ZFP91: variants seen among roughly 807,000 people sequenced by gnomAD.
ZFP91 encodes the protein ZFP91 zinc finger protein, atypical E3 ubiquitin ligase.
A neutral mutation model predicts 63.5 loss-of-function variants in ZFP91; 7 were observed. The observed-to-expected ratio is 0.11, with a 90% CI of 0.06 to 0.21. ZFP91 has a LOEUF of 0.21. Ranked by LOEUF, ZFP91 falls within the 10% of genes least tolerant of loss-of-function variation. The pLI is 1.00. For missense variants in ZFP91, 628 were observed against 736.6 expected, an observed-to-expected ratio of 0.85 and a Z score of 1.71; for synonymous variants, 330 against 272.1, an observed-to-expected ratio of 1.21 and a Z score of -2.10.
At chr11:58,610,561 C>G (rs1855643312) in intron 4 of ZFP91, among the ~76,000 whole-genome samples, 1 of 152,172 alleles carries the variant, frequency 6.6e-6, no homozygotes, top group South Asian at 2.1e-4. Context: ...TGTGTTTGGA[C>G]TTATTCCATG....
At chr11:58,582,425 C>T (rs960961387) in intron 1 of ZFP91, among the ~76,000 whole-genome samples, 2 of 152,142 alleles carry the variant, frequency 1.3e-5, no homozygotes, top group African/African-American at 4.8e-5. Flanking sequence ...CTTACTTGTT[C>T]GCGCTAGTCC....
intron 1 of ZFP91, among the ~76,000 whole-genome samples, chr11:58,579,962 CT>C (rs1313043893): frequency 1.3e-5 from 2 of 152,190 alleles, no homozygotes; most frequent in Non-Finnish European, 2.9e-5. Context: ...TATCCCTTTC[CT>C]TTAGGCGGCT....
intron 8 of ZFP91, 25 bp downstream of exon 8, chr11:58,612,865 C>T: frequency 6.3e-7 from 1 of 1,592,220 alleles, no homozygotes; most frequent in Non-Finnish European, 8.6e-7. Context: ...TATATAAGAG[C>T]CTTTCAGGTT....
At chr11:58,605,590 T>C (rs1855557751) in intron 2 of ZFP91, among the ~76,000 whole-genome samples, 1 of 152,194 alleles carries the variant, frequency 6.6e-6, no homozygotes, top group Non-Finnish European at 1.5e-5. Flanking sequence ...ATCACTTTGT[T>C]ATCACACTGC....
At position 58,620,092 on chromosome 11, in the gene ZFP91, TCTA is replaced by T. The variant is rs1855822701; in HGVS notation, c.*2390_*2392del. 1 of 152,228 alleles carries T rather than the reference TCTA, an allele frequency of 6.6e-6. No homozygotes were observed. The highest frequency in any genetic ancestry group is 1.5e-5 in the Non-Finnish European group (1 of 68,042). The allele number at this position is 152,228 out of a possible 1,614,324, so 9.4% of individuals were successfully genotyped here. A position where few individuals can be genotyped will look rare whatever the true frequency, so the allele number is the denominator to read the frequency against. ...CCCAACAAAAAAACAACTAGTTAGT[TCTA>T]CTAATTAGAAACTTGCTGTACTTTT... On this transcript the variant is annotated 3_prime_UTR_variant, in exon 11 of 11. Transcript: ENST00000316059.
intron 1 of ZFP91, among the ~76,000 whole-genome samples, chr11:58,583,547 A>G (rs114115614): frequency 4.3e-4 from 66 of 152,214 alleles, no homozygotes; most frequent in African/African-American, 1.5e-3. Context: ...CTTCAGTTGT[A>G]CAAGACTGAA....
chr11:58,595,733 G>A lies in ZFP91; in HGVS notation c.370+10849G>A, dbSNP rs894687151. Among the ~76,000 whole-genome samples, 10 of 151,664 alleles carry A rather than the reference G, an allele frequency of 6.6e-5. No individual in the cohort carries two copies. In the South Asian group the frequency reaches 8.3e-4, roughly 13 times the overall value. ...GCTGGGACTGGTGTGCGCCACCACC[G>A]GCCTGGCTAATTTTTGTATTTTTAG... On this transcript the variant is annotated intron_variant, in intron 2 of 10. Transcript: ENST00000316059.
rs1215841405 is a variant in ZFP91, at chr11:58,621,407, T to C, written c.*3701T>C. ...AATACTTCTTCTCAAAATTGAATGT[T>C]TATATCAAGTACTGATTTTTATTTT... On this transcript the variant is annotated 3_prime_UTR_variant, in exon 11 of 11. Coordinates refer to ENST00000316059, the MANE Select transcript of ZFP91 (RefSeq NM_053023.5). Among the ~76,000 whole-genome samples, 1 of 152,212 alleles carries C rather than the reference T, an allele frequency of 6.6e-6. No individual in the cohort carries two copies. The highest frequency in any genetic ancestry group is 1.5e-5 in the Non-Finnish European group (1 of 68,040).
chr11:58,579,079 C>CGA lies in ZFP91; in HGVS notation c.-202_-201insAG. 1 of 385,786 alleles carries CGA rather than the reference C, an allele frequency of 2.6e-6. No homozygotes were observed. The highest frequency in any genetic ancestry group is 6.6e-4 in the Middle Eastern group (1 of 1,512). The allele number at this position is 385,786 out of a possible 1,614,324, so 23.9% of individuals were successfully genotyped here. A position where few individuals can be genotyped will look rare whatever the true frequency, so the allele number is the denominator to read the frequency against. ...TGAGCGTCTGTGGCGCGCGCGCGCG[C>CGA]GCCGCCAGCGGTAGCGGACCTTGAG... is the stretch of plus-strand genomic sequence containing the variant. On this transcript the variant is annotated 5_prime_UTR_variant, in exon 1 of 11. Transcript: ENST00000316059.
intron 5 of ZFP91, 198 bp downstream of exon 5, chr11:58,611,252 A>C: frequency 2.0e-6 from 1 of 496,474 alleles, no homozygotes; most frequent in South Asian, 4.7e-5. Context: ...GTAGAACTTT[A>C]TTTTGATTAT....
intron 2 of ZFP91, among the ~76,000 whole-genome samples, chr11:58,600,759 T>C (rs1334478144): frequency 6.6e-6 from 1 of 152,202 alleles, no homozygotes; most frequent in African/African-American, 2.4e-5. Flanking sequence ...GCTTTGTCTT[T>C]TACCACTGCG....
intron 9 of ZFP91, among the ~76,000 whole-genome samples, chr11:58,615,096 T>C (rs1023873916): frequency 6.6e-6 from 1 of 152,220 alleles, no homozygotes; most frequent in Non-Finnish European, 1.5e-5. Flanking sequence ...GTAGGAAAGT[T>C]ACTTAACTTC....
chr11:58,615,252 A>G (rs1855730960), intron 9 of ZFP91, among the ~76,000 whole-genome samples: 1 of 152,048 alleles, frequency 6.6e-6, no homozygotes, highest in Non-Finnish European at 1.5e-5. Context: ...TCCAAAGTCT[A>G]CAGTTTTCTT....
intron 7 of ZFP91, 85 bp from the exon 8 acceptor site, chr11:58,612,677 C>A: frequency 1.0e-6 from 1 of 996,192 alleles, no homozygotes; most frequent in South Asian, 1.5e-5. Context: ...TAGCTATTCC[C>A]AATAGCACAG....
At chr11:58,594,121 CTCTG>C (rs1433279820) in intron 2 of ZFP91, among the ~76,000 whole-genome samples, 5 of 152,172 alleles carry the variant, frequency 3.3e-5, no homozygotes, top group Non-Finnish European at 5.9e-5. Context: ...TCTGTTTAAA[CTCTG>C]TCTGTGGCTA....
rs1855633519 is a variant in ZFP91 at position 58,610,052 on chromosome 11, T to C, written c.580+13T>C. The C allele has an allele frequency of 1.9e-6, 3 of 1,613,230 alleles. No individual in the cohort carries two copies. The Admixed American group carries it at 5.0e-5, about 27-fold the overall frequency. On this transcript the variant is annotated intron_variant, in intron 3 of 10. Transcript: ENST00000316059. ...CAACTTGATTATGGTACAGTGCAACTAGAATATGGCTGTTTACTAACTAGT... is the reference window on the plus strand; with the variant it reads ...CAACTTGATTATGGTACAGTGCAACCAGAATATGGCTGTTTACTAACTAGT...
At chr11:58,588,568 T>C (rs1046222819) in intron 2 of ZFP91, among the ~76,000 whole-genome samples, 4 of 152,214 alleles carry the variant, frequency 2.6e-5, no homozygotes, top group Non-Finnish European at 5.9e-5. Context: ...TCAACAGTTT[T>C]ATTTTTCATG....
intron 5 of ZFP91, chr11:58,611,267 A>G (rs1033582901): frequency 8.2e-6 from 4 of 488,196 alleles, no homozygotes; most frequent in Non-Finnish European, 1.1e-5. Context: ...GATTATATAC[A>G]AGTTTTTATG....
At position 58,617,161 on chromosome 11, in the gene ZFP91, G is replaced by A. The variant is rs776332674; in HGVS notation, c.1203-35G>A. On this transcript the variant is annotated intron_variant, in intron 10 of 10. Coordinates refer to ENST00000316059, the MANE Select transcript of ZFP91 (RefSeq NM_053023.5). This position sits in a 1 kb window ranked among gnomAD's most constrained non-coding sequence, Gnocchi z 4.2. ...GAATAAGAGCACTCTTTATTTCTCT[G>A]TTGGATCAGCCATTTCCTTTTCTCC... The A allele has an allele frequency of 3.3e-6, 5 of 1,534,812 alleles. No individual in the cohort carries two copies. The highest frequency in any genetic ancestry group is 3.5e-6 in the Non-Finnish European group (4 of 1,145,940).
Sources: gnomAD v4.1 joint callset for allele counts (sites outside exome capture counted in the v4.1 genomes callset) on GRCh38, gnomAD v4.1.1 for gene constraint, Gnocchi (gnomAD v3.1) non-coding constraint, MANE v1.5 for transcripts, NCBI Gene and HGNC (gene_info 2026-07-23, HGNC 2026-07-21) for gene names.